The following DYM variants were observed in gnomAD, a reference collection of about 807,000 sequenced individuals.
DYM encodes the protein dymeclin.
In DYM, 78 loss-of-function variants were observed where a neutral mutation model predicts 93.1. The ratio of observed to expected loss-of-function variants is 0.84; its 90% confidence interval spans 0.70 to 1.01. The LOEUF (loss-of-function observed/expected upper bound fraction) is 1.01, where lower values mean the gene tolerates loss of function less well. Among genes scored for constraint, DYM ranks in the 50% least tolerant of loss-of-function variants. The pLI, the probability that DYM is intolerant of heterozygous loss-of-function variation, is 0.00. For missense variants in DYM, 789 were observed against 845.0 expected (o/e 0.93, Z 0.82); for synonymous variants, 321 against 319.7 (o/e 1.00, Z -0.04).
chr18:49,222,671 A>G (rs2093406694), intron 13 of DYM, among the ~76,000 whole-genome samples: 1 of 152,150 alleles, frequency 6.6e-6, no homozygotes, highest in Admixed American at 6.6e-5. Flanking sequence ...ATGAAAATGT[A>G]TCAATTACTA....
intron 1 of DYM, among the ~76,000 whole-genome samples, chr18:49,441,277 T>A (rs1346176039): frequency 2.0e-4 from 5 of 25,448 alleles, no homozygotes; most frequent in Admixed American, 6.3e-4. Flanking sequence ...TAATATATAT[T>A]ATATAATTAT....
intron 16 of DYM, among the ~76,000 whole-genome samples, chr18:49,113,624 C>T (rs920955027): frequency 6.6e-6 from 1 of 152,138 alleles, no homozygotes; most frequent in African/African-American, 2.4e-5. Context: ...CTTTTTTCTT[C>T]TACAGTCTTT....
intron 6 of DYM, among the ~76,000 whole-genome samples, chr18:49,360,844 A>C (rs980007458): frequency 6.6e-6 from 1 of 152,186 alleles, no homozygotes; most frequent in African/African-American, 2.4e-5. Flanking sequence ...ATCCAGGGCC[A>C]ATGTAATAGT....
chr18:49,129,160 T>C (rs909173269), intron 15 of DYM, among the ~76,000 whole-genome samples: 3 of 151,510 alleles, frequency 2.0e-5, no homozygotes, highest in African/African-American at 7.3e-5. Flanking sequence ...TCCAAGTCCA[T>C]GGAGAGAAGC....
intron 8 of DYM, among the ~76,000 whole-genome samples, chr18:49,298,581 C>CAAA (rs34066907): frequency 4.5e-4 from 61 of 134,548 alleles, no homozygotes; most frequent in African/African-American, 7.2e-4. Flanking sequence ...AACTCCGTCT[C>CAAA]AAAAAAAAAA....
intron 3 of DYM, among the ~76,000 whole-genome samples, chr18:49,382,661 T>G (rs963195347): frequency 2.1e-5 from 3 of 142,510 alleles, no homozygotes; most frequent in African/African-American, 8.0e-5. Flanking sequence ...ACTGACCAGC[T>G]GTAGAACACT....
At chr18:49,306,377 G>C (rs1428967732) in intron 8 of DYM, among the ~76,000 whole-genome samples, 1 of 152,140 alleles carries the variant, frequency 6.6e-6, no homozygotes, top group African/African-American at 2.4e-5. Flanking sequence ...AGAAAAGAAA[G>C]ACAGAAAAAT....
intron 16 of DYM, among the ~76,000 whole-genome samples, chr18:49,105,961 C>G (rs2080754314): frequency 6.6e-6 from 1 of 152,108 alleles, no homozygotes. Flanking sequence ...CCTGGATATC[C>G]TTGTTAACTT....
rs1288316096 is a variant in DYM at position 49,441,106 on chromosome 18, T to TATA, written c.-53-10660_-53-10659insTAT. 1.7e-3 allele frequency among the ~76,000 whole-genome samples: 14 copies of TATA among 8,426 alleles called. 1 individual carries two copies. Among genetic ancestry groups the TATA allele is most frequent in the South Asian group, 5.0e-3 (1 of 202 alleles). 5.5% of individuals were successfully genotyped at this position (8,426 alleles called of 152,430 possible). Reference sequence around the variant, plus strand: ...ATTATATATTATATATAAATATATATTAATATAAATATATTATATATTTAT... The same window carrying TATA: ...ATTATATATTATATATAAATATATATATATAATATAAATATATTATATATTTAT... On this transcript the variant is annotated intron_variant, in intron 1 of 17. Transcript: ENST00000675505.
intron 1 of DYM, among the ~76,000 whole-genome samples, chr18:49,450,853 G>A (rs775548125): frequency 2.6e-5 from 4 of 152,152 alleles, no homozygotes; most frequent in Non-Finnish European, 5.9e-5. Context: ...ACAGACAATT[G>A]TTGTTTTGCT....
At chr18:49,246,001 T>C (rs1180667869) in intron 13 of DYM, among the ~76,000 whole-genome samples, 3 of 152,242 alleles carry the variant, frequency 2.0e-5, no homozygotes, top group Admixed American at 1.3e-4. Context: ...GCAGATGCCA[T>C]TCTAAGCACT....
At chr18:49,421,619 G>A (rs959757428) in intron 2 of DYM, among the ~76,000 whole-genome samples, 27 of 152,170 alleles carry the variant, frequency 1.8e-4, no homozygotes, top group African/African-American at 5.6e-4. Context: ...GCAGCTCCTC[G>A]CCAGCAACAG....
intron 7 of DYM, among the ~76,000 whole-genome samples, chr18:49,332,349 G>A (rs578055776): frequency 6.6e-6 from 1 of 152,086 alleles, no homozygotes; most frequent in African/African-American, 2.4e-5. Flanking sequence ...CGATCCTCCC[G>A]CTTCAGCCTC....
intron 13 of DYM, among the ~76,000 whole-genome samples, chr18:49,217,375 C>A (rs2093119202): frequency 6.6e-6 from 1 of 151,968 alleles, no homozygotes; most frequent in African/African-American, 2.4e-5. Context: ...CAAGGCAGGC[C>A]AACGTTCAGA....
chr18:49,276,451 T>A (rs559224641), intron 10 of DYM, among the ~76,000 whole-genome samples: 31 of 152,250 alleles, frequency 2.0e-4, no homozygotes, highest in African/African-American at 7.5e-4. Flanking sequence ...ATTACTTTTA[T>A]AATAGCACTT....
intron 6 of DYM, among the ~76,000 whole-genome samples, chr18:49,343,863 A>G (rs528691): frequency 0.74 from 111,653 of 151,768 alleles, 41,029 homozygotes; most frequent in Admixed American, 0.76. Context: ...ATCCCAGCAC[A>G]TTAGGAGACT....
chr18:49,359,415 T>C (rs969454581), intron 6 of DYM, among the ~76,000 whole-genome samples: 2 of 152,210 alleles, frequency 1.3e-5, no homozygotes, highest in African/African-American at 4.8e-5. Context: ...ATTAATATTT[T>C]ATCAAGAAAT....
At chr18:49,179,090 G>C (rs1332379484) in intron 14 of DYM, among the ~76,000 whole-genome samples, 1 of 152,026 alleles carries the variant, frequency 6.6e-6, no homozygotes, top group Non-Finnish European at 1.5e-5. Context: ...AAACAAGAGA[G>C]GTGACAACTA....
At chr18:49,432,126 AC>A (rs1366987553) in intron 1 of DYM, among the ~76,000 whole-genome samples, 1 of 152,162 alleles carries the variant, frequency 6.6e-6, no homozygotes, top group Non-Finnish European at 1.5e-5. Flanking sequence ...TAATCCCAGC[AC>A]TTTGGGAGGC....
Sources: gnomAD v4.1 joint callset for allele counts (sites outside exome capture counted in the v4.1 genomes callset) on GRCh38, gnomAD v4.1.1 for gene constraint, MANE v1.5 for transcripts, NCBI Gene and HGNC (gene_info 2026-07-23, HGNC 2026-07-21) for gene names.